NAV2: variants seen among roughly 807,000 people sequenced by gnomAD.
NAV2 encodes the protein neuron navigator 2.
Under a neutral mutation model 223.2 loss-of-function variants are expected in NAV2, and 54 were observed. The observed-to-expected ratio is 0.24, with a 90% confidence interval of 0.19 to 0.30. The LOEUF is 0.30. Ranked by LOEUF, NAV2 falls within the 10% of genes least tolerant of loss-of-function variation. The probability of loss-of-function intolerance (pLI) is 1.00; values close to 1 mark genes in which losing one functional copy is unlikely to be tolerated. For missense variants in NAV2, 2,806 were observed against 3,147.5 expected, an observed-to-expected ratio of 0.89 and a Z score of 2.60; for synonymous variants, 1,279 against 1,239.3, an observed-to-expected ratio of 1.03 and a Z score of -0.67.
At chr11:19,710,902 C>G (rs1274587167), upstream of NAV2, 3 of 152,322 alleles carry the variant, frequency 2.0e-5, no homozygotes, top group African/African-American at 7.2e-5. Flanking sequence ...ATGCTCCATA[C>G]TGAGAAGATC....
intron 1 of NAV2, among the ~76,000 whole-genome samples, chr11:19,587,640 A>T (rs1005460889): frequency 1.3e-5 from 2 of 152,190 alleles, no homozygotes; most frequent in South Asian, 4.1e-4. Flanking sequence ...TTCATGGCTG[A>T]TGAACATTTT....
At chr11:19,777,416 T>C (rs2056339401) in intron 1 of NAV2, 1 of 443,216 alleles carries the variant, frequency 2.3e-6, no homozygotes, top group South Asian at 1.6e-5. Flanking sequence ...TTTTTTTTTT[T>C]TTCCCCTCCT....
intron 25 of NAV2, chr11:20,082,615 C>T (rs777405622): frequency 1.2e-5 from 19 of 1,612,832 alleles, no homozygotes; most frequent in African/African-American, 2.7e-5. Flanking sequence ...GCAAGACCAA[C>T]TTTAATATCA....
At chr11:19,872,197 T>C (rs1484929114) in intron 4 of NAV2, among the ~76,000 whole-genome samples, 1 of 152,218 alleles carries the variant, frequency 6.6e-6, no homozygotes, top group African/African-American at 2.4e-5. Flanking sequence ...TCACTTGACA[T>C]CATGTTACAT....
chr11:19,837,012 C>G (rs1264325062), intron 2 of NAV2, among the ~76,000 whole-genome samples: 1 of 152,184 alleles, frequency 6.6e-6, no homozygotes, highest in Non-Finnish European at 1.5e-5. Flanking sequence ...CTCCAAACAC[C>G]ATTACATTAG....
chr11:19,960,739 G>A (rs569035256), intron 10 of NAV2, among the ~76,000 whole-genome samples: 73 of 152,022 alleles, frequency 4.8e-4, no homozygotes, highest in African/African-American at 1.5e-3. Flanking sequence ...TCAGCCTCCC[G>A]AGCAGCTGGG....
At chr11:19,760,910 A>G (rs1033323908) in intron 1 of NAV2, among the ~76,000 whole-genome samples, 1 of 152,144 alleles carries the variant, frequency 6.6e-6, no homozygotes, top group Non-Finnish European at 1.5e-5. Context: ...CTGGGATCCT[A>G]TTGCCTTTGC....
intron 1 of NAV2, among the ~76,000 whole-genome samples, chr11:19,787,058 A>G (rs35924205): frequency 2.0e-5 from 3 of 152,052 alleles, no homozygotes; most frequent in Non-Finnish European, 4.4e-5. Flanking sequence ...GAAGAACTGT[A>G]TGATAACCAC....
intron 3 of NAV2, among the ~76,000 whole-genome samples, chr11:19,852,645 C>A (rs1449542643): frequency 6.6e-6 from 1 of 152,152 alleles, no homozygotes; most frequent in Non-Finnish European, 1.5e-5. Context: ...AACATTTAAG[C>A]AAATGTTAGG....
intron 1 of NAV2, among the ~76,000 whole-genome samples, chr11:19,829,842 G>A (rs915677467): frequency 6.6e-6 from 1 of 152,144 alleles, no homozygotes; most frequent in South Asian, 2.1e-4. Flanking sequence ...TCATTTTACA[G>A]GTGAGTAAAC....
At chr11:19,389,310 T>A (rs1015361272) in intron 1 of NAV2, among the ~76,000 whole-genome samples, 1 of 152,220 alleles carries the variant, frequency 6.6e-6, no homozygotes, top group Non-Finnish European at 1.5e-5. Context: ...GCCTTTAAGA[T>A]AGAGACTTCA....
intron 1 of NAV2, among the ~76,000 whole-genome samples, chr11:19,410,181 A>G (rs113246286): frequency 3.3e-5 from 5 of 152,290 alleles, no homozygotes; most frequent in Non-Finnish European, 5.9e-5. Flanking sequence ...GCTATAGAAC[A>G]TGCAGAGGCA....
intron 10 of NAV2, among the ~76,000 whole-genome samples, chr11:19,954,936 TATATATA>T (rs1565636127): frequency 1.4e-5 from 2 of 140,974 alleles, no homozygotes; most frequent in East Asian, 2.1e-4. Context: ...TATATACATA[TATATATA>T]CATATATACA....
At chr11:20,092,122 G>A (rs1388372916) in intron 27 of NAV2, 84 bp from the exon 28 acceptor site, 2 of 1,390,220 alleles carry the variant, frequency 1.4e-6, no homozygotes, top group Non-Finnish European at 2.0e-6. Context: ...GGTTTCTGCA[G>A]GGAACTTTCA....
At chr11:19,783,691 A>T (rs1329694766) in intron 1 of NAV2, among the ~76,000 whole-genome samples, 1 of 152,182 alleles carries the variant, frequency 6.6e-6, no homozygotes, top group African/African-American at 2.4e-5. Context: ...CCTGGGGAGA[A>T]TATTGCTTTA....
intron 29 of NAV2, among the ~76,000 whole-genome samples, chr11:20,093,581 C>T (rs901284355): frequency 3.3e-5 from 5 of 152,080 alleles, no homozygotes; most frequent in East Asian, 1.9e-4. Context: ...CACATGCAGC[C>T]GACCAAGAGC....
At chr11:19,618,434 A>G (rs1041479587) in intron 1 of NAV2, among the ~76,000 whole-genome samples, 2 of 148,530 alleles carry the variant, frequency 1.3e-5, no homozygotes, top group East Asian at 2.0e-4. Context: ...GGATGGATGG[A>G]TGGACGGATG....
At chr11:19,481,014 A>T (rs1395100883) in intron 1 of NAV2, among the ~76,000 whole-genome samples, 4 of 152,216 alleles carry the variant, frequency 2.6e-5, no homozygotes, top group Non-Finnish European at 5.9e-5. Context: ...TTCGTGAGAC[A>T]TCAGCCATAA....
chr11:19,392,624 A>G lies in NAV2; in HGVS notation c.75+41597A>G, dbSNP rs138271137. ...GTACTGCCTTTTGTGACCTAGCCTC[A>G]GAAGTCACTCAGCATCACTTCTCCA... On this transcript the variant is annotated intron_variant, in intron 1 of 37. Coordinates refer to the NAV2 transcript ENST00000360655. Among the ~76,000 whole-genome samples, 469 of 152,316 alleles carry G rather than the reference A, an allele frequency of 3.1e-3. 2 individuals carry two copies. The highest frequency in any genetic ancestry group is 0.01 in the African/African-American group (425 of 41,570).
Sources: gnomAD v4.1 joint callset for allele counts (sites outside exome capture counted in the v4.1 genomes callset) on GRCh38, gnomAD v4.1.1 for gene constraint, MANE v1.5 for transcripts, NCBI Gene and HGNC (gene_info 2026-07-23, HGNC 2026-07-21) for gene names.